Variants in INTS4 observed in about 807,000 individuals in gnomAD.
The protein encoded by INTS4 is MSTP093.
A neutral mutation model predicts 119.5 loss-of-function variants in INTS4; 70 were observed. The ratio of observed to expected loss-of-function variants is 0.59; its 90% CI spans 0.48 to 0.71. The LOEUF (loss-of-function observed/expected upper bound fraction) is 0.71, where lower values mean the gene tolerates loss of function less well. INTS4 is among the 30% of genes least tolerant of loss of function. INTS4 has a pLI of 0.00. For synonymous variants in INTS4, 316 were observed against 419.6 expected (o/e 0.75, Z 3.02); for missense variants, 867 against 1,173.2 (o/e 0.74, Z 3.81).
chr11:77,958,358 T>C (rs569209753), intron 7 of INTS4, among the ~76,000 whole-genome samples: 1 of 152,158 alleles, frequency 6.6e-6, no homozygotes, highest in South Asian at 2.1e-4. Flanking sequence ...GAAAACTACA[T>C]AAGAGATCAT....
At chr11:77,892,872 C>T (rs571857689) in intron 19 of INTS4, among the ~76,000 whole-genome samples, 2 of 152,274 alleles carry the variant, frequency 1.3e-5, no homozygotes, top group East Asian at 1.9e-4. Flanking sequence ...CGTGAGCCAC[C>T]GTGCCCAGCC....
rs1196526496 is a variant in INTS4 at position 77,958,731 on chromosome 11, T to G, written c.797+15A>C. ...GCTTCACAATCAACAAAAGCCAGCTTACACCCACACTGACCTTTCAGGATA... is the reference window on the plus strand; with the variant it reads ...GCTTCACAATCAACAAAAGCCAGCTGACACCCACACTGACCTTTCAGGATA... On this transcript the variant is annotated intron_variant, in intron 7 of 22. Coordinates refer to ENST00000534064, the MANE Select transcript of INTS4 (RefSeq NM_033547.4). The G allele has an allele frequency of 1.9e-6, 3 of 1,553,584 alleles. No homozygotes were observed. Among genetic ancestry groups the G allele is most frequent in the African/African-American group, 2.7e-5 (2 of 73,482 alleles).
chr11:77,930,274 G>A (rs1017052992), intron 10 of INTS4, among the ~76,000 whole-genome samples: 12 of 152,144 alleles, frequency 7.9e-5, no homozygotes, highest in Non-Finnish European at 1.8e-4. Context: ...TATAAAGAAA[G>A]GTTTTATAGA....
chr11:77,969,969 A>G (rs1855655546), intron 4 of INTS4, among the ~76,000 whole-genome samples: 1 of 152,194 alleles, frequency 6.6e-6, no homozygotes. Flanking sequence ...AACTCCAACG[A>G]AGCTGTAGAG....
chr11:77,988,048 ATTT>A lies in INTS4; in HGVS notation c.246+3057_246+3059del, dbSNP rs540205776. On this transcript the variant is annotated intron_variant, in intron 2 of 22. Transcript: ENST00000534064. ...CCCAGTCTCTAGATAGATAGATACGATTTTTTAAAAAATTTTTTAAAGAAAAGA... is the reference window on the plus strand; with the variant it reads ...CCCAGTCTCTAGATAGATAGATACGATTTAAAAAATTTTTTAAAGAAAAGA... Among the ~76,000 whole-genome samples, 270 of 152,278 alleles carry A rather than the reference ATTT, an allele frequency of 1.8e-3. 2 individuals carry two copies. Among genetic ancestry groups the A allele is most frequent in the Middle Eastern group, 6.8e-3 (2 of 294 alleles).
chr11:77,901,520 A>G lies in INTS4; in HGVS notation c.2129T>C (p.Met710Thr). ...IMEETYKMEF[M>T]YSGVENKQVV... ...CTGCTTATTCTCCACACCACTGTAC[A>G]TGAATTCCATTTTGTAGGTCTCTTC... The change falls in exon 18 of 23, where the codon ATG becomes ACG. Residue 710 changes from methionine to threonine, a missense_variant. This residue lies in a region of INTS4 where 262 missense variants were observed against 376.0 expected (regional missense o/e 0.70). Coordinates refer to ENST00000534064, the MANE Select transcript of INTS4 (RefSeq NM_033547.4). 1 of 1,611,346 alleles carries G rather than the reference A, an allele frequency of 6.2e-7. No homozygotes were observed. The highest frequency in any genetic ancestry group is 8.5e-7 in the Non-Finnish European group (1 of 1,177,462).
At chr11:77,931,107 T>C (rs1214747183) in intron 10 of INTS4, among the ~76,000 whole-genome samples, 2 of 152,196 alleles carry the variant, frequency 1.3e-5, no homozygotes, top group Non-Finnish European at 2.9e-5. Flanking sequence ...AGAAAATGCA[T>C]ATGAAGAAAT....
rs1555039207 is a variant in INTS4 at position 77,963,366 on chromosome 11, A to AC, written c.472-2229_472-2228insG. ...AGACTCCGTCTCAAAAAAAAAAAAA[A>AC]AAAAAAAACAAAAAAAACTGCTTTT... is the stretch of plus-strand genomic sequence containing the variant. On this transcript the variant is annotated intron_variant, in intron 4 of 22. Coordinates refer to ENST00000534064, the MANE Select transcript of INTS4 (RefSeq NM_033547.4). 1.5e-4 allele frequency: 58 copies of AC among 391,340 alleles called. No homozygotes were observed. The East Asian group carries it at 1.7e-3, about 11-fold the overall frequency. 24.2% of individuals were successfully genotyped at this position (391,340 alleles called of 1,614,324 possible).
chr11:77,926,571 C>T (rs1953505645), intron 11 of INTS4, among the ~76,000 whole-genome samples: 1 of 151,948 alleles, frequency 6.6e-6, no homozygotes, highest in South Asian at 2.1e-4. Context: ...CTTTGGGAGG[C>T]CAAGGTGGGT....
intron 8 of INTS4, among the ~76,000 whole-genome samples, chr11:77,942,472 T>A (rs1195570000): frequency 2.0e-5 from 3 of 152,200 alleles, no homozygotes; most frequent in Non-Finnish European, 4.4e-5. Flanking sequence ...AATTATTACA[T>A]AATCCCTGTT....
chr11:77,985,651 T>C (rs182369968), intron 2 of INTS4, among the ~76,000 whole-genome samples: 3 of 152,300 alleles, frequency 2.0e-5, no homozygotes, highest in Admixed American at 2.0e-4. Context: ...AGGGATTACA[T>C]CATCTACATC....
chr11:77,880,561 A>C (rs1306835634), intron 22 of INTS4, among the ~76,000 whole-genome samples: 3 of 152,188 alleles, frequency 2.0e-5, no homozygotes, highest in Non-Finnish European at 4.4e-5. Context: ...TTAGGGTGGA[A>C]TCAAAATAGG....
chr11:77,916,664 G>A (rs535429239), intron 15 of INTS4, among the ~76,000 whole-genome samples: 42 of 152,340 alleles, frequency 2.8e-4, no homozygotes, highest in Non-Finnish European at 4.9e-4. Flanking sequence ...GTCTGCTGAA[G>A]TTGGAACTGT....
At position 77,925,180 on chromosome 11, in the gene INTS4, G is replaced by T. The variant is rs1321308574; in HGVS notation, c.1372-288C>A. 2.0e-5 allele frequency among the ~76,000 whole-genome samples: 3 copies of T among 152,176 alleles called. No individual in the cohort carries two copies. In the East Asian group the frequency reaches 5.8e-4, roughly 29 times the overall value. ...CTTTTTGCAACTAGGAAAAAGGACA[G>T]GCTAAGAAGAAAGGCTAAGAGAGAG... On this transcript the variant is annotated intron_variant, in intron 11 of 22. Transcript: ENST00000534064.
intron 22 of INTS4, 23 bp downstream of exon 22, chr11:77,883,809 C>T (rs773446503): frequency 1.9e-6 from 3 of 1,610,118 alleles, no homozygotes; most frequent in Non-Finnish European, 2.5e-6. Context: ...ATTTCCCTTC[C>T]CACCCTGGTC....
At chr11:77,984,656 A>C (rs1856382446) in intron 2 of INTS4, among the ~76,000 whole-genome samples, 1 of 152,088 alleles carries the variant, frequency 6.6e-6, no homozygotes, top group Admixed American at 6.6e-5. Flanking sequence ...GAATGTACTT[A>C]ACACACATGA....
chr11:77,925,356 G>A (rs1365633821), intron 11 of INTS4, among the ~76,000 whole-genome samples: 2 of 152,182 alleles, frequency 1.3e-5, no homozygotes, highest in African/African-American at 4.8e-5. Context: ...ATGTAATAAT[G>A]AAAAAGTTTG....
chr11:77,969,259 T>C (rs138668341), intron 4 of INTS4, among the ~76,000 whole-genome samples: 213 of 152,182 alleles, frequency 1.4e-3, no homozygotes, highest in Non-Finnish European at 2.4e-3. Context: ...TTAATAGCTG[T>C]GATAAGATAT....
At chr11:77,932,960 G>T (rs1953690632) in intron 10 of INTS4, among the ~76,000 whole-genome samples, 1 of 148,522 alleles carries the variant, frequency 6.7e-6, no homozygotes, top group African/African-American at 2.5e-5. Flanking sequence ...GCCTGTCAGG[G>T]GGTGGGGGGC....
Sources: gnomAD v4.1 joint callset for allele counts (sites outside exome capture counted in the v4.1 genomes callset) on GRCh38, gnomAD v4.1.1 for gene constraint, gnomAD v4.1.1 regional missense constraint, MANE v1.5 for transcripts, NCBI Gene and HGNC (gene_info 2026-07-23, HGNC 2026-07-21) for gene names.